The following DYRK4 variants were observed in gnomAD, a reference collection of about 807,000 sequenced individuals.
DYRK4 encodes dual specificity tyrosine-phosphorylation-regulated kinase 4.
In DYRK4, 64 loss-of-function variants were observed where a neutral mutation model predicts 68.3. That is an observed-to-expected ratio of 0.94 (90% CI 0.77 to 1.15). DYRK4 has a LOEUF of 1.15. Ranked by LOEUF, DYRK4 falls within the 50% of genes most tolerant of loss-of-function variation. The probability of loss-of-function intolerance (pLI) is 0.00; values close to 1 mark genes in which losing one functional copy is unlikely to be tolerated. For missense variants in DYRK4, 740 were observed against 764.7 expected (o/e 0.97, Z 0.38); for synonymous variants, 274 against 289.9 (o/e 0.95, Z 0.56).
At chr12:4,598,117 C>T (rs1945039282) in intron 8 of DYRK4, among the ~76,000 whole-genome samples, 1 of 152,034 alleles carries the variant, frequency 6.6e-6, no homozygotes, top group African/African-American at 2.4e-5. Flanking sequence ...TGACTCACAC[C>T]TGTAATCTCA....
chr12:4,590,098 TGC>T, intron 3 of DYRK4: 1 of 1,255,166 alleles, frequency 8.0e-7, no homozygotes, highest in Non-Finnish European at 1.0e-6. Context: ...GTTGAAAGCC[TGC>T]AGCTAGTAAG....
intron 14 of DYRK4, chr12:4,612,934 T>C: frequency 1.9e-6 from 1 of 515,634 alleles, no homozygotes; most frequent in Non-Finnish European, 3.4e-6. Context: ...TTCTTGTGGC[T>C]ACATCATGAC....
chr12:4,602,602 G>T, intron 10 of DYRK4: 1 of 1,329,544 alleles, frequency 7.5e-7, no homozygotes, highest in Non-Finnish European at 1.1e-6. Context: ...AATCTTTGCT[G>T]CAGAATCTTC....
At chr12:4,570,252 AT>A (rs200984698) in intron 2 of DYRK4, among the ~76,000 whole-genome samples, 43 of 151,744 alleles carry the variant, frequency 2.8e-4, no homozygotes, top group African/African-American at 8.5e-4. Context: ...AATAAATAAA[AT>A]TTAAAAAAAA....
At chr12:4,612,929 G>T (rs760502892) in intron 14 of DYRK4, 17 of 529,120 alleles carry the variant, frequency 3.2e-5, no homozygotes, top group Non-Finnish European at 5.3e-5. Context: ...GATAATTCTT[G>T]TGGCTACATC....
intron 2 of DYRK4, among the ~76,000 whole-genome samples, chr12:4,586,405 A>C (rs1223695439): frequency 6.6e-6 from 1 of 152,130 alleles, no homozygotes; most frequent in South Asian, 2.1e-4. Flanking sequence ...ATTGGCTTAG[A>C]TATAACAATG....
chr12:4,579,014 T>A (rs1368840890), intron 2 of DYRK4, among the ~76,000 whole-genome samples: 1 of 152,212 alleles, frequency 6.6e-6, no homozygotes, highest in Non-Finnish European at 1.5e-5. Flanking sequence ...CAGTGGCTCA[T>A]GCCTGTAATT....
At chr12:4,604,665 C>T (rs550973287) in intron 10 of DYRK4, among the ~76,000 whole-genome samples, 1 of 152,360 alleles carries the variant, frequency 6.6e-6, no homozygotes, top group South Asian at 2.1e-4. Context: ...CTTAGATTCA[C>T]TTTCCTACGA....
At chr12:4,605,185 C>A in intron 11 of DYRK4, 99 bp downstream of exon 11, 1 of 1,042,268 alleles carries the variant, frequency 9.6e-7, no homozygotes, top group Non-Finnish European at 1.4e-6. Context: ...GCCTGCATAC[C>A]TTGTTGTTGT....
intron 2 of DYRK4, among the ~76,000 whole-genome samples, chr12:4,581,160 C>T (rs573818162): frequency 1.2e-4 from 18 of 152,176 alleles, no homozygotes; most frequent in Admixed American, 3.3e-4. Context: ...GGTGAGAGAG[C>T]CTGTGCTTGC....
intron 2 of DYRK4, among the ~76,000 whole-genome samples, chr12:4,571,208 C>T (rs1262798186): frequency 6.6e-6 from 1 of 152,206 alleles, no homozygotes; most frequent in African/African-American, 2.4e-5. Context: ...TATTACATTA[C>T]GATCTCCCCG....
At chr12:4,566,270 C>T (rs1053845350) in intron 1 of DYRK4, among the ~76,000 whole-genome samples, 3 of 152,214 alleles carry the variant, frequency 2.0e-5, no homozygotes, top group African/African-American at 7.2e-5. Context: ...TTTAGCATAG[C>T]CACGCAGGCT....
Position 4,613,870 on chromosome 12 carries a change from A to C in DYRK4, c.*117A>C. 1 of 1,294,080 alleles carries C rather than the reference A, an allele frequency of 7.7e-7. No individual in the cohort carries two copies. Among genetic ancestry groups the C allele is most frequent in the Non-Finnish European group, 1.0e-6 (1 of 996,624 alleles). The allele number at this position is 1,294,080 out of a possible 1,614,324, so 80.2% of individuals were successfully genotyped here. ...AATACATAAAACTTTATGTTAAAAA[A>C]CTCTATTAACATGGCCAATTGGCAT... On this transcript the variant is annotated 3_prime_UTR_variant, in exon 15 of 15. Coordinates refer to ENST00000543431, the MANE Select transcript of DYRK4 (RefSeq NM_001394779.1). This position sits in a 1 kb window ranked among gnomAD's most constrained non-coding sequence, Gnocchi z 4.0.
At chr12:4,562,806 A>G (rs1027651531) in intron 1 of DYRK4, among the ~76,000 whole-genome samples, 2 of 152,016 alleles carry the variant, frequency 1.3e-5, no homozygotes, top group African/African-American at 4.8e-5. Flanking sequence ...CCCCTGACAC[A>G]AAAGCGCGCG....
chr12:4,604,968 A>G lies in DYRK4; in HGVS notation c.1181A>G (p.His394Arg), dbSNP rs1945125193. The G allele has an allele frequency of 1.9e-6, 3 of 1,613,332 alleles. No individual in the cohort carries two copies. Among genetic ancestry groups the G allele is most frequent in the Non-Finnish European group, 1.7e-6 (2 of 1,179,640 alleles). ...CGATCCCCAGAAGTGATCCTGGGCC[A>G]CCCCTACGACGTGGCCATTGACATG... ...FYRSPEVILG[H>R]PYDVAIDMWS... is the part of the protein sequence containing the mutation. Residue 394 changes from histidine (H) to arginine (R), a missense_variant, in exon 11 of 15, where the codon CAC becomes CGC. By Grantham distance (29) the His-to-Arg change is conservative (BLOSUM62 0). This residue lies in a region of DYRK4 where 614 missense variants were observed against 603.7 expected (regional missense o/e 1.02). Transcript: ENST00000543431.
intron 3 of DYRK4, among the ~76,000 whole-genome samples, 164 bp downstream of exon 3, chr12:4,589,181 G>A (rs535060570): frequency 2.0e-5 from 3 of 152,040 alleles, no homozygotes; most frequent in African/African-American, 4.8e-5. Context: ...ACATCACCAC[G>A]CCCCATCTCC....
intron 2 of DYRK4, among the ~76,000 whole-genome samples, chr12:4,569,137 T>C (rs1944706160): frequency 6.6e-6 from 1 of 152,218 alleles, no homozygotes; most frequent in South Asian, 2.1e-4. Context: ...TTATAACTCA[T>C]ACAAATGGAC....
At position 4,607,373 on chromosome 12, in the gene DYRK4, G is replaced by A. The variant is rs752737393; in HGVS notation, c.1346G>A (p.Arg449Lys). Residue 449 changes from arginine to lysine, a missense_variant, in exon 12 of 15, where the codon AGA becomes AAA. Coordinates refer to ENST00000543431, the MANE Select transcript of DYRK4 (RefSeq NM_001394779.1). The stretch of plus-strand genomic sequence containing the variant: ...GGCTTCATTCAGACAGCCTCCAGGA[G>A]ACAGACATTCTTTGGTAAGTCCTAG... Reference protein sequence around the residue: ...PAGFIQTASRRQTFFDSKGFP... With the variant: ...PAGFIQTASRKQTFFDSKGFP... 1.2e-6 allele frequency: 2 copies of A among 1,614,198 alleles called. No homozygotes were observed. The highest frequency in any genetic ancestry group is 1.7e-6 in the Non-Finnish European group (2 of 1,180,030).
intron 2 of DYRK4, among the ~76,000 whole-genome samples, chr12:4,573,793 T>C (rs1944756154): frequency 6.6e-6 from 1 of 152,266 alleles, no homozygotes; most frequent in African/African-American, 2.4e-5. Flanking sequence ...GATTTTATTC[T>C]GTAATTCATG....
Sources: gnomAD v4.1 joint callset for allele counts (sites outside exome capture counted in the v4.1 genomes callset) on GRCh38, gnomAD v4.1.1 for gene constraint, gnomAD v4.1.1 regional missense constraint, Gnocchi (gnomAD v3.1) non-coding constraint, MANE v1.5 for transcripts, NCBI Gene and HGNC (gene_info 2026-07-23, HGNC 2026-07-21) for gene names.